The following PHACTR1 variants were observed in gnomAD, a reference collection of about 807,000 sequenced individuals.
PHACTR1 encodes RPEL repeat containing 1.
Under a neutral mutation model 69.2 loss-of-function variants are expected in PHACTR1, and 16 were observed. The observed-to-expected ratio is 0.23, with a 90% CI of 0.16 to 0.35. The LOEUF is 0.35. Among genes scored for constraint, PHACTR1 ranks in the 10% least tolerant of loss-of-function variants. The probability of loss-of-function intolerance (pLI) is 1.00; values close to 1 mark genes in which losing one functional copy is unlikely to be tolerated. For missense variants in PHACTR1, 510 were observed against 734.7 expected (o/e 0.69, Z 3.54); for synonymous variants, 312 against 284.5 (o/e 1.10, Z -0.97).
intron 10 of PHACTR1, among the ~76,000 whole-genome samples, chr6:13,265,177 T>A (rs2127429214): frequency 6.6e-6 from 1 of 152,290 alleles, no homozygotes; most frequent in East Asian, 1.9e-4. Flanking sequence ...CTCAGCCCTC[T>A]CCAATCTGGC....
chr6:12,952,121 G>C (rs149315344), intron 4 of PHACTR1, among the ~76,000 whole-genome samples: 21 of 152,304 alleles, frequency 1.4e-4, no homozygotes, highest in African/African-American at 4.8e-4. Context: ...CAGCAAAGTT[G>C]AGAAGAAGGA....
chr6:13,003,579 C>T (rs764402170), intron 4 of PHACTR1, among the ~76,000 whole-genome samples: 6 of 151,778 alleles, frequency 4.0e-5, no homozygotes, highest in Non-Finnish European at 8.8e-5. Flanking sequence ...TTCATTACTG[C>T]TTCTTTTAAA....
intron 4 of PHACTR1, among the ~76,000 whole-genome samples, chr6:12,935,627 A>ATGTG (rs1789359771): frequency 1.5e-5 from 2 of 136,012 alleles, no homozygotes; most frequent in Admixed American, 1.5e-4. Flanking sequence ...TGGTATGCCC[A>ATGTG]CGTGTGTGTG....
chr6:13,115,389 C>T (rs1230616602), intron 5 of PHACTR1, among the ~76,000 whole-genome samples: 2 of 152,126 alleles, frequency 1.3e-5, no homozygotes, highest in East Asian at 3.9e-4. Context: ...TCTCTCTCTC[C>T]CTTTCTCTCT....
At chr6:13,019,499 GA>G (rs1391786366) in intron 4 of PHACTR1, among the ~76,000 whole-genome samples, 2 of 152,216 alleles carry the variant, frequency 1.3e-5, no homozygotes, top group Non-Finnish European at 2.9e-5. Flanking sequence ...TTCAGGCTCA[GA>G]GTATGTCCAA....
At chr6:13,012,557 T>C (rs1365176429) in intron 4 of PHACTR1, among the ~76,000 whole-genome samples, 1 of 152,220 alleles carries the variant, frequency 6.6e-6, no homozygotes, top group African/African-American at 2.4e-5. Flanking sequence ...CACCTGGCTG[T>C]AAACACCTGT....
intron 4 of PHACTR1, among the ~76,000 whole-genome samples, chr6:13,028,432 A>G (rs902016993): frequency 6.6e-6 from 1 of 152,242 alleles, no homozygotes; most frequent in Non-Finnish European, 1.5e-5. Flanking sequence ...TTAAATTATT[A>G]TATCAATCAT....
In PHACTR1 at chr6:13,038,124, AT is replaced by A. The variant is rs1358245832; in HGVS notation, c.251-15237del. On this transcript the variant is annotated intron_variant, in intron 4 of 14. Coordinates refer to ENST00000332995, the MANE Select transcript of PHACTR1 (RefSeq NM_030948.6). ...TAATTCAGATATTTTTCCAAATATT[AT>A]TTTGTATGAAATAATATAATTCTCA... is the stretch of plus-strand genomic sequence containing the variant. Among the ~76,000 whole-genome samples, 4 of 152,176 alleles carry A rather than the reference AT, an allele frequency of 2.6e-5. No individual in the cohort carries two copies. The East Asian group carries it at 7.7e-4, about 29-fold the overall frequency.
At chr6:12,823,995 T>C (rs1019881727) in intron 4 of PHACTR1, among the ~76,000 whole-genome samples, 2 of 152,140 alleles carry the variant, frequency 1.3e-5, no homozygotes, top group African/African-American at 4.8e-5. Flanking sequence ...GGTACTGGTC[T>C]GTGATGTGTT....
At chr6:13,038,453 G>A (rs973836189) in intron 4 of PHACTR1, among the ~76,000 whole-genome samples, 5 of 151,310 alleles carry the variant, frequency 3.3e-5, no homozygotes, top group Non-Finnish European at 5.9e-5. Context: ...AGCCTCCCTG[G>A]GGATCAGCTA....
At chr6:13,234,939 T>A (rs564366834) in intron 10 of PHACTR1, among the ~76,000 whole-genome samples, 9 of 152,162 alleles carry the variant, frequency 5.9e-5, no homozygotes, top group Non-Finnish European at 1.2e-4. Flanking sequence ...AGGCAAAAAT[T>A]GTAGAGCTTC....
chr6:13,080,404 G>T (rs1194563621), intron 5 of PHACTR1, among the ~76,000 whole-genome samples: 37 of 152,086 alleles, frequency 2.4e-4, no homozygotes, highest in Admixed American at 2.4e-3. Flanking sequence ...TGGTTTAATT[G>T]GAACTGGGGT....
At chr6:12,872,222 T>C (rs952514943) in intron 4 of PHACTR1, among the ~76,000 whole-genome samples, 7 of 152,172 alleles carry the variant, frequency 4.6e-5, no homozygotes, top group African/African-American at 1.7e-4. Flanking sequence ...CGGTACATAC[T>C]GCAATAACTA....
intron 4 of PHACTR1, among the ~76,000 whole-genome samples, chr6:12,777,767 G>T (rs1335498531): frequency 3.3e-5 from 5 of 151,842 alleles, no homozygotes; most frequent in African/African-American, 1.2e-4. Flanking sequence ...AAGAAGCTGG[G>T]ATTACAGGTG....
intron 6 of PHACTR1, among the ~76,000 whole-genome samples, chr6:13,176,105 A>C (rs918063486): frequency 2.0e-5 from 3 of 152,182 alleles, no homozygotes; most frequent in Admixed American, 6.5e-5. Flanking sequence ...AACCAGAGGA[A>C]TGAGGAATGG....
chr6:12,895,372 G>A (rs1212033088), intron 4 of PHACTR1, among the ~76,000 whole-genome samples: 1 of 151,790 alleles, frequency 6.6e-6, no homozygotes, highest in East Asian at 1.9e-4. Flanking sequence ...TAGTAGAGAT[G>A]GGGTTTTGCC....
intron 4 of PHACTR1, among the ~76,000 whole-genome samples, chr6:12,928,508 C>T (rs907786842): frequency 6.6e-6 from 1 of 152,186 alleles, no homozygotes; most frequent in African/African-American, 2.4e-5. Context: ...TCAAAGCCTG[C>T]TCCAGCCCTG....
chr6:12,884,102 C>A (rs1783390640), intron 4 of PHACTR1, among the ~76,000 whole-genome samples: 1 of 151,458 alleles, frequency 6.6e-6, no homozygotes, highest in Admixed American at 6.6e-5. Flanking sequence ...ACACACATAA[C>A]CACACACATG....
At chr6:12,936,395 A>G (rs993680786) in intron 4 of PHACTR1, among the ~76,000 whole-genome samples, 1 of 152,242 alleles carries the variant, frequency 6.6e-6, no homozygotes, top group African/African-American at 2.4e-5. Flanking sequence ...CAATAAAGAA[A>G]TCAAATGAGA....
Sources: gnomAD v4.1 joint callset for allele counts (sites outside exome capture counted in the v4.1 genomes callset) on GRCh38, gnomAD v4.1.1 for gene constraint, MANE v1.5 for transcripts, NCBI Gene and HGNC (gene_info 2026-07-23, HGNC 2026-07-21) for gene names.